CASK: variants seen among roughly 807,000 people sequenced by gnomAD.
The protein encoded by CASK is calcium/calmodulin dependent serine protein kinase.
A neutral mutation model predicts 82.9 loss-of-function variants in CASK; 4 were observed. The observed-to-expected ratio is 0.05, with a 90% confidence interval of 0.02 to 0.11. The LOEUF (loss-of-function observed/expected upper bound fraction) is 0.11, where lower values mean the gene tolerates loss of function less well. CASK is among the 10% of genes least tolerant of loss of function. The pLI is 1.00. For missense variants in CASK, 358 were observed against 720.9 expected, an observed-to-expected ratio of 0.50 and a Z score of 5.76; for synonymous variants, 259 against 253.5, an observed-to-expected ratio of 1.02 and a Z score of -0.20.
chrX:41,768,503 T>G (rs1014527642), intron 3 of CASK, among the ~76,000 whole-genome samples: 22 of 111,363 alleles, frequency 2.0e-4, no homozygotes, highest in African/African-American at 7.2e-4. Context: ...TGTCTTCAAC[T>G]CTAATCTAGT....
At chrX:41,582,386 A>G (rs931245916) in intron 14 of CASK, among the ~76,000 whole-genome samples, 4 of 111,046 alleles carry the variant, frequency 3.6e-5, no homozygotes, top group African/African-American at 9.8e-5. Context: ...TGCGATCCCA[A>G]CTCACTGCAA....
At chrX:41,860,079 G>C (rs1182684775) in intron 1 of CASK, among the ~76,000 whole-genome samples, 1 of 110,720 alleles carries the variant, frequency 9.0e-6, no homozygotes, top group Non-Finnish European at 1.9e-5. Flanking sequence ...AACTTAATGA[G>C]TACCCAGTAC....
chrX:41,639,566 A>AT (rs899746117), intron 8 of CASK, among the ~76,000 whole-genome samples: 9 of 111,037 alleles, frequency 8.1e-5, no homozygotes, highest in Non-Finnish European at 1.5e-4. Flanking sequence ...CTGAATATAT[A>AT]TTTTTTTGTT....
intron 8 of CASK, among the ~76,000 whole-genome samples, chrX:41,637,966 T>C (rs1201124537): frequency 9.0e-6 from 1 of 111,371 alleles, no homozygotes; most frequent in Non-Finnish European, 1.9e-5. Context: ...ATTTTAAACC[T>C]CTTCTTACTC....
chrX:41,758,084 C>A (rs2068930102), intron 3 of CASK, among the ~76,000 whole-genome samples: 1 of 111,629 alleles, frequency 9.0e-6, no homozygotes, highest in African/African-American at 3.3e-5. Context: ...GATAGAAGGA[C>A]CAGTTACATG....
intron 2 of CASK, among the ~76,000 whole-genome samples, chrX:41,804,370 C>T (rs1382181561): frequency 9.0e-6 from 1 of 111,364 alleles, no homozygotes; most frequent in Non-Finnish European, 1.9e-5. Flanking sequence ...CCAACCAACC[C>T]TCAATAGGTC....
intron 8 of CASK, among the ~76,000 whole-genome samples, chrX:41,647,126 C>T (rs1156449805): frequency 8.9e-6 from 1 of 111,930 alleles, no homozygotes; most frequent in Non-Finnish European, 1.9e-5. Flanking sequence ...CTCAACAAGG[C>T]ATCGATCAAA....
intron 5 of CASK, among the ~76,000 whole-genome samples, chrX:41,732,408 C>G (rs997222078): frequency 9.0e-6 from 1 of 111,449 alleles, no homozygotes; most frequent in African/African-American, 3.3e-5. Context: ...GGACTCTAGG[C>G]CTATCACTGG....
At chrX:41,757,219 C>T (rs1383498418) in intron 3 of CASK, among the ~76,000 whole-genome samples, 2 of 111,706 alleles carry the variant, frequency 1.8e-5, no homozygotes, top group Non-Finnish European at 3.8e-5. Context: ...ATCTTTAATT[C>T]TGTTTTTTTT....
At chrX:41,815,621 A>G (rs191930181) in intron 2 of CASK, among the ~76,000 whole-genome samples, 8 of 111,786 alleles carry the variant, frequency 7.2e-5, no homozygotes, top group African/African-American at 2.6e-4. Context: ...CAGAAGCTTA[A>G]TGACATGTGG....
rs894934498 is a variant in CASK, at chrX:41,533,954, G to A, written c.2317+752C>T. ...ATTACAGGCATGAGCCACCGCGCCTGGCCTAAAATTTTAAACTTTAGAATA... is the reference window on the plus strand; with the variant it reads ...ATTACAGGCATGAGCCACCGCGCCTAGCCTAAAATTTTAAACTTTAGAATA... On this transcript the variant is annotated intron_variant, in intron 24 of 26. Transcript: ENST00000378163. Among the ~76,000 whole-genome samples, 3 of 111,699 alleles carry A rather than the reference G, an allele frequency of 2.7e-5. No homozygotes were observed. The East Asian group carries it at 8.4e-4, about 31-fold the overall frequency.
At chrX:41,549,422 T>G (rs1339098408) in intron 21 of CASK, among the ~76,000 whole-genome samples, 1 of 112,374 alleles carries the variant, frequency 8.9e-6, no homozygotes, top group Non-Finnish European at 1.9e-5. Context: ...CTTTTCTCCC[T>G]CTATATATTT....
chrX:41,622,015 A>G (rs1044116642), intron 11 of CASK, among the ~76,000 whole-genome samples: 1 of 112,235 alleles, frequency 8.9e-6, no homozygotes, highest in Admixed American at 9.5e-5. Context: ...AGATTGCCTC[A>G]GTTTTACATG....
intron 7 of CASK, among the ~76,000 whole-genome samples, chrX:41,663,566 T>C (rs1042485062): frequency 8.9e-6 from 1 of 112,230 alleles, no homozygotes; most frequent in Non-Finnish European, 1.9e-5. Flanking sequence ...AAAATAACTA[T>C]TCAATGTTTT....
intron 16 of CASK, among the ~76,000 whole-genome samples, chrX:41,565,787 C>A (rs1291980106): frequency 9.0e-6 from 1 of 111,343 alleles, no homozygotes; most frequent in Admixed American, 9.6e-5. Context: ...AACAAAAAAA[C>A]AGAATTTTAG....
chrX:41,651,579 A>G (rs894185545), intron 8 of CASK, among the ~76,000 whole-genome samples: 1 of 111,372 alleles, frequency 9.0e-6, no homozygotes, highest in Non-Finnish European at 1.9e-5. Context: ...TTATTTTTGT[A>G]GAGACGGGAT....
chrX:41,747,508 G>C (rs1343995490), intron 3 of CASK, among the ~76,000 whole-genome samples: 1 of 110,915 alleles, frequency 9.0e-6, no homozygotes, highest in African/African-American at 3.3e-5. Flanking sequence ...GGTGCATCTC[G>C]GCTCACTGCG....
At chrX:41,578,281 T>C in intron 15 of CASK, 59 bp downstream of exon 15, 1 of 869,470 alleles carries the variant, frequency 1.2e-6, no homozygotes, top group Non-Finnish European at 1.7e-6. Context: ...TTGAAGTTAG[T>C]TGATATAACT....
intron 3 of CASK, among the ~76,000 whole-genome samples, chrX:41,775,101 T>C (rs1411329694): frequency 9.4e-6 from 1 of 106,436 alleles, no homozygotes; most frequent in Non-Finnish European, 1.9e-5. Flanking sequence ...ACAGGCAACC[T>C]ACAACATGGG....
Sources: gnomAD v4.1 joint callset for allele counts (sites outside exome capture counted in the v4.1 genomes callset) on GRCh38, gnomAD v4.1.1 for gene constraint, MANE v1.5 for transcripts, NCBI Gene and HGNC (gene_info 2026-07-23, HGNC 2026-07-21) for gene names.